The following PEX7 variants were observed in gnomAD, a reference collection of about 807,000 sequenced individuals.
The protein encoded by PEX7 is peroxisomal biogenesis factor 7, also known as PTS2 receptor.
PEX7 carries 34 observed loss-of-function variants against 47.5 expected under a neutral mutation model. The ratio of observed to expected loss-of-function variants is 0.72; its 90% CI spans 0.54 to 0.95. The LOEUF is 0.95. Among genes scored for constraint, PEX7 ranks in the 40% least tolerant of loss-of-function variants. PEX7 has a pLI of 0.00. For missense variants in PEX7, 394 were observed against 400.3 expected (o/e 0.98, Z 0.13); for synonymous variants, 141 against 148.8 (o/e 0.95, Z 0.38).
At chr6:136,873,007 T>G (rs1223479500) in intron 8 of PEX7, among the ~76,000 whole-genome samples, 1 of 152,166 alleles carries the variant, frequency 6.6e-6, no homozygotes, top group African/African-American at 2.4e-5. Context: ...TCTCCTCTTC[T>G]CTGTTAGAGT....
At chr6:136,909,617 A>G (rs1475691787) in intron 9 of PEX7, among the ~76,000 whole-genome samples, 2 of 152,138 alleles carry the variant, frequency 1.3e-5, no homozygotes, top group African/African-American at 2.4e-5. Flanking sequence ...TATTTTCTTT[A>G]TTGTTAGCTT....
chr6:136,841,977 A>G (rs1394488157), intron 3 of PEX7, among the ~76,000 whole-genome samples: 2 of 148,186 alleles, frequency 1.3e-5, no homozygotes, highest in Non-Finnish European at 3.0e-5. Flanking sequence ...TAAACATAGT[A>G]TTGAGTTGCC....
At chr6:136,847,982 G>C (rs1774660334) in intron 5 of PEX7, among the ~76,000 whole-genome samples, 1 of 152,188 alleles carries the variant, frequency 6.6e-6, no homozygotes, top group Non-Finnish European at 1.5e-5. Flanking sequence ...AATAAGCATA[G>C]AATGTTTTTC....
At chr6:136,871,505 CTT>C (rs1379546877) in intron 7 of PEX7, among the ~76,000 whole-genome samples, 1 of 152,024 alleles carries the variant, frequency 6.6e-6, no homozygotes, top group Non-Finnish European at 1.5e-5. Flanking sequence ...TATTTGTACT[CTT>C]ATATACTTAA....
intron 3 of PEX7, among the ~76,000 whole-genome samples, chr6:136,840,904 G>A (rs941710183): frequency 6.6e-6 from 1 of 151,900 alleles, no homozygotes; most frequent in Admixed American, 6.6e-5. Context: ...GTCTTTCCTG[G>A]CCATTTTGTT....
chr6:136,892,420 T>C (rs969229535), intron 8 of PEX7, among the ~76,000 whole-genome samples: 11 of 152,248 alleles, frequency 7.2e-5, no homozygotes, highest in Admixed American at 2.0e-4. Flanking sequence ...TATGGTGCCA[T>C]CTTTTTTAGT....
intron 3 of PEX7, among the ~76,000 whole-genome samples, chr6:136,832,254 A>G (rs1019737946): frequency 2.6e-5 from 4 of 152,260 alleles, no homozygotes; most frequent in African/African-American, 9.6e-5. Flanking sequence ...CTCAGAAGCA[A>G]TGGCTTGAGC....
At chr6:136,887,900 A>G (rs1197953227) in intron 8 of PEX7, among the ~76,000 whole-genome samples, 2 of 152,118 alleles carry the variant, frequency 1.3e-5, no homozygotes, top group East Asian at 3.8e-4. Flanking sequence ...ATTGTAGTAA[A>G]CTTAAAATCT....
chr6:136,831,446 C>G (rs1774291607), intron 3 of PEX7, among the ~76,000 whole-genome samples: 1 of 152,164 alleles, frequency 6.6e-6, no homozygotes, highest in Non-Finnish European at 1.5e-5. Context: ...GGATATAAAG[C>G]CAAACCATAT....
At chr6:136,841,492 C>T (rs116863294) in intron 3 of PEX7, among the ~76,000 whole-genome samples, 33 of 152,288 alleles carry the variant, frequency 2.2e-4, no homozygotes, top group Non-Finnish European at 4.3e-4. Context: ...TTTTAGCCAG[C>T]CCTCAGGGCC....
At chr6:136,907,497 C>T (rs987237107) in intron 9 of PEX7, among the ~76,000 whole-genome samples, 90 of 131,874 alleles carry the variant, frequency 6.8e-4, no homozygotes, top group African/African-American at 3.7e-3. Context: ...TTTTTTTTTT[C>T]ATTCTGTCTG....
intron 9 of PEX7, 50 bp from the exon 10 acceptor site, chr6:136,913,408 A>AT: frequency 2.2e-6 from 3 of 1,349,210 alleles, no homozygotes; most frequent in Non-Finnish European, 3.2e-6. Context: ...TCAATTTTGA[A>AT]TTTTTGTATG....
chr6:136,905,874 T>C (rs1163377659), intron 9 of PEX7, among the ~76,000 whole-genome samples: 1 of 152,240 alleles, frequency 6.6e-6, no homozygotes, highest in African/African-American at 2.4e-5. Flanking sequence ...ACTAGAGATC[T>C]GGGAAGTAAT....
rs185025909 is a variant in PEX7, at chr6:136,907,335, T to C, written c.904-6123T>C. Among the ~76,000 whole-genome samples the C allele has an allele frequency of 2.6e-5, 4 of 152,330 alleles. No homozygotes were observed. The East Asian group carries it at 5.8e-4, about 22-fold the overall frequency. Reference sequence around the variant, plus strand: ...CCTTGCTTTTGCATAAATTCCATAATGATTATCATAATAAACCATATTCTC... The same window carrying C: ...CCTTGCTTTTGCATAAATTCCATAACGATTATCATAATAAACCATATTCTC... On this transcript the variant is annotated intron_variant, in intron 9 of 9. Coordinates refer to ENST00000318471, the MANE Select transcript of PEX7 (RefSeq NM_000288.4).
chr6:136,841,553 C>T (rs1396474240), intron 3 of PEX7, among the ~76,000 whole-genome samples: 1 of 152,148 alleles, frequency 6.6e-6, no homozygotes, highest in African/African-American at 2.4e-5. Flanking sequence ...CATCCAAGCA[C>T]CCCTTTTGTA....
chr6:136,898,357 G>A (rs1164420640), intron 9 of PEX7, 116 bp downstream of exon 9: 5 of 731,998 alleles, frequency 6.8e-6, no homozygotes, highest in African/African-American at 3.5e-5. Context: ...AAGCTGGAGC[G>A]TTTGAGCATT....
chr6:136,886,387 T>C (rs1775468552), intron 8 of PEX7, among the ~76,000 whole-genome samples: 1 of 152,162 alleles, frequency 6.6e-6, no homozygotes, highest in Non-Finnish European at 1.5e-5. Flanking sequence ...ATATGGGAAA[T>C]GATACTGTGA....
chr6:136,865,509 G>GA (rs1775049498), intron 5 of PEX7, among the ~76,000 whole-genome samples: 1 of 152,160 alleles, frequency 6.6e-6, no homozygotes, highest in South Asian at 2.1e-4. Context: ...ATGTTGGCCA[G>GA]GCTGGTCTCA....
At chr6:136,905,705 TCTTA>T (rs980561858) in intron 9 of PEX7, among the ~76,000 whole-genome samples, 1 of 152,204 alleles carries the variant, frequency 6.6e-6, no homozygotes. Context: ...ATCTTAGCCC[TCTTA>T]CTTTGGTGCA....
Sources: gnomAD v4.1 joint callset for allele counts (sites outside exome capture counted in the v4.1 genomes callset) on GRCh38, gnomAD v4.1.1 for gene constraint, MANE v1.5 for transcripts, NCBI Gene and HGNC (gene_info 2026-07-23, HGNC 2026-07-21) for gene names.